Variants in WSB1 observed in about 807,000 individuals in gnomAD.
The protein encoded by WSB1 is WD repeat and SOCS box containing 1.
WSB1 carries 23 observed loss-of-function variants against 50.2 expected under a neutral mutation model. That is an observed-to-expected ratio of 0.46 (90% CI 0.33 to 0.65). The LOEUF is 0.65. Among genes scored for constraint, WSB1 ranks in the 30% least tolerant of loss-of-function variants. WSB1 has a pLI of 0.02. For missense variants in WSB1, 492 were observed against 522.3 expected (o/e 0.94, Z 0.56); for synonymous variants, 179 against 172.0 (o/e 1.04, Z -0.32).
In WSB1 at chr17:27,301,850, C is replaced by T. The variant is rs773398485; in HGVS notation, c.103C>T (p.Arg35Cys). The T allele has an allele frequency of 8.1e-6, 13 of 1,614,030 alleles. No homozygotes were observed. In the East Asian group the frequency reaches 1.1e-4, roughly 14 times the overall value. The change falls in exon 2 of 9, where the codon CGT becomes TGT. Residue 35 changes from arginine (R) to cysteine (C), a missense_variant. Arg to Cys is a radical substitution (Grantham distance 180). Transcript: ENST00000262394. ...PAAPFDKKCG[R>C]ENWTVAFAPD... ...AGCTCCTTTTGACAAGAAATGTGGT[C>T]GTGAAAATTGGACTGTTGCTTTTGC...
Position 27,294,284 on chromosome 17 carries a change from T to A in WSB1, c.-112T>A. The A allele has an allele frequency of 2.1e-6, 3 of 1,450,372 alleles. No homozygotes were observed. Among genetic ancestry groups the A allele is most frequent in the Non-Finnish European group, 2.8e-6 (3 of 1,065,702 alleles). 89.8% of individuals were successfully genotyped at this position (1,450,372 alleles called of 1,614,324 possible). ...AGCGGCCGCCCCCGCCCGTCTCCTCTGTCCCTGGGCCCGGGAGGGACCAAC... is the reference window on the plus strand; with the variant it reads ...AGCGGCCGCCCCCGCCCGTCTCCTCAGTCCCTGGGCCCGGGAGGGACCAAC... On this transcript the variant is annotated 5_prime_UTR_variant, in exon 1 of 9. Transcript: ENST00000262394.
intron 4 of WSB1, 78 bp downstream of exon 4, chr17:27,304,989 C>T: frequency 6.5e-7 from 1 of 1,547,596 alleles, no homozygotes. Flanking sequence ...ACATGTGGGG[C>T]ATTTGACTTT....
intron 1 of WSB1, among the ~76,000 whole-genome samples, chr17:27,294,715 G>C (rs2016877255): frequency 6.6e-6 from 1 of 152,222 alleles, no homozygotes. Context: ...CAGGGCTCTT[G>C]TCCTGGGAGT....
intron 5 of WSB1, chr17:27,308,242 A>G (rs770447471): frequency 5.1e-5 from 50 of 986,404 alleles, no homozygotes; most frequent in Non-Finnish European, 5.9e-5. Context: ...GCTTTACTCC[A>G]AGAGGAGAGA....
intron 1 of WSB1, among the ~76,000 whole-genome samples, chr17:27,295,831 TTCTC>T (rs925373336): frequency 1.4e-5 from 2 of 147,374 alleles, no homozygotes; most frequent in East Asian, 4.0e-4. Context: ...CGGTCCTGTT[TTCTC>T]TCTCTCTTTT....
At chr17:27,304,472 G>A (rs2017358704) in intron 3 of WSB1, among the ~76,000 whole-genome samples, 1 of 148,438 alleles carries the variant, frequency 6.7e-6, no homozygotes, top group Non-Finnish European at 1.5e-5. Flanking sequence ...GCCAAAGCTG[G>A]GGGATCACTT....
At chr17:27,305,983 C>T (rs1216395705) in intron 4 of WSB1, among the ~76,000 whole-genome samples, 1 of 152,076 alleles carries the variant, frequency 6.6e-6, no homozygotes, top group African/African-American at 2.4e-5. Context: ...GCCTGGCATG[C>T]GTAGGCACTC....
intron 1 of WSB1, among the ~76,000 whole-genome samples, chr17:27,296,653 AAAG>A (rs2016994107): frequency 1.3e-5 from 2 of 152,324 alleles, no homozygotes; most frequent in South Asian, 2.1e-4. Flanking sequence ...GGAGGAATGT[AAAG>A]AAGGAGCTAA....
At chr17:27,296,232 C>A (rs1029142781) in intron 1 of WSB1, among the ~76,000 whole-genome samples, 3 of 151,348 alleles carry the variant, frequency 2.0e-5, no homozygotes, top group African/African-American at 7.3e-5. Context: ...CCTGATTTCT[C>A]TTTTCTTTTC....
chr17:27,312,020 CT>C (rs2017704453), intron 8 of WSB1, among the ~76,000 whole-genome samples, 189 bp from the exon 9 acceptor site: 1 of 152,126 alleles, frequency 6.6e-6, no homozygotes, highest in African/African-American at 2.4e-5. Context: ...CAGTAAAACT[CT>C]AATAAGTGTT....
At chr17:27,309,922 A>G in intron 6 of WSB1, 139 bp from the exon 7 acceptor site, 1 of 639,194 alleles carries the variant, frequency 1.6e-6, no homozygotes, top group Non-Finnish European at 2.7e-6. Flanking sequence ...ATTTGGATGT[A>G]TCATCTCTAC....
chr17:27,303,361 C>T lies in WSB1; in HGVS notation c.210-6C>T. The T allele has an allele frequency of 6.2e-7, 1 of 1,612,942 alleles. No homozygotes were observed. The highest frequency in any genetic ancestry group is 8.5e-7 in the Non-Finnish European group (1 of 1,179,328). ...TACAATTTCCATCTGACTTCCCCCA[C>T]TCCAGTCTCTTGCATGGCACCAAGA... On this transcript the variant is annotated splice_region_variant and splice_polypyrimidine_tract_variant and intron_variant, in intron 2 of 8. Coordinates refer to ENST00000262394, the MANE Select transcript of WSB1 (RefSeq NM_015626.10).
At chr17:27,309,313 C>T in intron 6 of WSB1, 41 bp downstream of exon 6, 2 of 1,420,444 alleles carry the variant, frequency 1.4e-6, no homozygotes, top group Middle Eastern at 1.9e-4. Context: ...AATTCATCTC[C>T]ACCTATCAAG....
At chr17:27,297,419 TC>T (rs953966367) in intron 1 of WSB1, 1 of 152,024 alleles carries the variant, frequency 6.6e-6, no homozygotes, top group African/African-American at 2.4e-5. Context: ...TTCACCCTCC[TC>T]GGCCTCCCAA....
At chr17:27,306,752 G>T in intron 4 of WSB1, 30 bp from the exon 5 acceptor site, 1 of 1,605,552 alleles carries the variant, frequency 6.2e-7, no homozygotes. Flanking sequence ...TGGATTCTAG[G>T]GTTAATACAG....
At chr17:27,304,323 C>G (rs915591575) in intron 3 of WSB1, among the ~76,000 whole-genome samples, 3 of 151,654 alleles carry the variant, frequency 2.0e-5, no homozygotes, top group African/African-American at 7.3e-5. Context: ...TCACTGGGAT[C>G]ATGTTTGAAA....
At chr17:27,305,857 C>G (rs576654243) in intron 4 of WSB1, among the ~76,000 whole-genome samples, 10 of 152,254 alleles carry the variant, frequency 6.6e-5, no homozygotes, top group African/African-American at 2.4e-4. Flanking sequence ...GCTTGCTTAT[C>G]TCAAACTAAT....
At chr17:27,297,877 G>A (rs2017047771) in intron 1 of WSB1, among the ~76,000 whole-genome samples, 1 of 152,074 alleles carries the variant, frequency 6.6e-6, no homozygotes, top group South Asian at 2.1e-4. Flanking sequence ...GGAGGCCGAG[G>A]TGGGCAGATC....
rs2017797457 is a variant in WSB1 at position 27,314,721 on chromosome 17, A to G, written c.*2352A>G. 2 of 151,036 alleles carry G rather than the reference A, an allele frequency of 1.3e-5. No individual in the cohort carries two copies. The allele number at this position is 151,036 out of a possible 1,614,324, so 9.4% of individuals were successfully genotyped here. ...CACACTGTCACCTGGGCTGGAGTGC[A>G]GTGGTGCGATCTTGGCTCACTGCAG... On this transcript the variant is annotated 3_prime_UTR_variant, in exon 9 of 9. Coordinates refer to ENST00000262394, the MANE Select transcript of WSB1 (RefSeq NM_015626.10).
Sources: gnomAD v4.1 joint callset for allele counts (sites outside exome capture counted in the v4.1 genomes callset) on GRCh38, gnomAD v4.1.1 for gene constraint, MANE v1.5 for transcripts, NCBI Gene and HGNC (gene_info 2026-07-23, HGNC 2026-07-21) for gene names.